NRG3: variants seen among roughly 807,000 people sequenced by gnomAD.
NRG3 encodes the protein pro-neuregulin-3, membrane-bound isoform.
In NRG3, 31 loss-of-function variants were observed where a neutral mutation model predicts 66.9. The ratio of observed to expected loss-of-function variants is 0.46; its 90% CI spans 0.35 to 0.63. The LOEUF is 0.63. Ranked by LOEUF, NRG3 falls within the 20% of genes least tolerant of loss-of-function variation. NRG3 has a pLI of 0.00. For missense variants in NRG3, 910 were observed against 878.9 expected, an observed-to-expected ratio of 1.04 and a Z score of -0.45; for synonymous variants, 393 against 359.4, an observed-to-expected ratio of 1.09 and a Z score of -1.06.
chr10:82,591,253 A>G (rs751451714), intron 2 of NRG3, among the ~76,000 whole-genome samples: 1 of 152,220 alleles, frequency 6.6e-6, no homozygotes, highest in Non-Finnish European at 1.5e-5. Context: ...AATCCAAAAA[A>G]TAATATCCCT....
intron 3 of NRG3, among the ~76,000 whole-genome samples, chr10:82,788,916 A>G (rs1161914004): frequency 6.6e-6 from 1 of 152,152 alleles, no homozygotes; most frequent in Non-Finnish European, 1.5e-5. Flanking sequence ...TAATGTATGT[A>G]TACGCTACAT....
intron 1 of NRG3, among the ~76,000 whole-genome samples, chr10:82,135,760 G>T (rs1002886187): frequency 1.3e-5 from 2 of 151,924 alleles, no homozygotes; most frequent in Non-Finnish European, 2.9e-5. Context: ...CTTGAATTTT[G>T]TCAAGCTTCC....
intron 2 of NRG3, among the ~76,000 whole-genome samples, chr10:82,580,394 G>A (rs2046287767): frequency 6.6e-6 from 1 of 151,786 alleles, no homozygotes; most frequent in African/African-American, 2.4e-5. Flanking sequence ...GAACAAATAT[G>A]GAAATATTAT....
Position 82,232,832 on chromosome 10 carries a change from G to T in NRG3, c.824-125907G>T, listed in dbSNP as rs565225770. 30 of 717,216 alleles carry T rather than the reference G, an allele frequency of 4.2e-5. No individual in the cohort carries two copies. In the African/African-American group the frequency reaches 5.1e-4, roughly 12 times the overall value. 44.4% of individuals were successfully genotyped at this position (717,216 alleles called of 1,614,324 possible). The stretch of plus-strand genomic sequence containing the variant: ...AAACAGGAGCAAGGTAAGTTGTAAG[G>T]CATGGCCTTTGTTGGGGTTTCTGAG... On this transcript the variant is annotated intron_variant, in intron 1 of 8. Transcript: ENST00000372141.
intron 1 of NRG3, among the ~76,000 whole-genome samples, chr10:82,041,252 A>G (rs58200268): frequency 0.022 from 3,347 of 152,116 alleles, 122 homozygotes; most frequent in African/African-American, 0.077. Context: ...TCTTGCCACA[A>G]GAGGGATACT....
chr10:82,451,922 G>T lies in NRG3; in HGVS notation c.953+93054G>T, dbSNP rs533981526. Among the ~76,000 whole-genome samples, 3 of 152,224 alleles carry T rather than the reference G, an allele frequency of 2.0e-5. No homozygotes were observed. The South Asian group carries it at 6.2e-4, about 32-fold the overall frequency. On this transcript the variant is annotated intron_variant, in intron 2 of 8. Transcript: ENST00000372141. ...AGGATAAAAAAAGAGAAATATAGTT[G>T]AAAGGGTTCTATAGGTTTGACAATT...
intron 2 of NRG3, among the ~76,000 whole-genome samples, chr10:82,702,376 T>A (rs1049710610): frequency 1.3e-5 from 2 of 152,174 alleles, no homozygotes; most frequent in Non-Finnish European, 2.9e-5. Flanking sequence ...GCAACTCAAT[T>A]TAAAATTTGG....
chr10:82,503,094 A>G (rs1263019263), intron 2 of NRG3, among the ~76,000 whole-genome samples: 1 of 152,220 alleles, frequency 6.6e-6, no homozygotes, highest in African/African-American at 2.4e-5. Flanking sequence ...CATTTTGACT[A>G]GAAGAAAGCC....
At chr10:82,040,308 A>G (rs4503476) in intron 1 of NRG3, among the ~76,000 whole-genome samples, 130,892 of 151,832 alleles carry the variant, frequency 0.86, 58,359 homozygotes, top group South Asian at 0.99. Context: ...ATACATGTAT[A>G]GTATACACAA....
At chr10:82,825,309 T>C (rs574286023) in intron 3 of NRG3, among the ~76,000 whole-genome samples, 1 of 152,372 alleles carries the variant, frequency 6.6e-6, no homozygotes, top group African/African-American at 2.4e-5. Context: ...TCAGCTCTTA[T>C]ATTTATATCT....
intron 2 of NRG3, among the ~76,000 whole-genome samples, chr10:82,387,793 G>A (rs2086105802): frequency 6.6e-6 from 1 of 151,890 alleles, no homozygotes; most frequent in Admixed American, 6.6e-5. Context: ...TAAGATAAGG[G>A]GATTATTTTA....
intron 2 of NRG3, among the ~76,000 whole-genome samples, chr10:82,374,877 T>C (rs1446728517): frequency 6.6e-6 from 1 of 152,164 alleles, no homozygotes; most frequent in Non-Finnish European, 1.5e-5. Flanking sequence ...TTTGTGAAGC[T>C]TATGGAAACG....
Position 82,203,132 on chromosome 10 carries a change from C to T in NRG3, c.824-155607C>T, listed in dbSNP as rs191689656. On this transcript the variant is annotated intron_variant, in intron 1 of 8. Transcript: ENST00000372141. ...GACCATCTGTGAGTCATGTGTAGGA[C>T]GGATTATAGAAAAGAGTGAAGACAC... Among the ~76,000 whole-genome samples, 431 of 152,138 alleles carry T rather than the reference C, an allele frequency of 2.8e-3. 4 individuals are homozygous for T. Among genetic ancestry groups the T allele is most frequent in the African/African-American group, 9.6e-3 (399 of 41,488 alleles).
rs150598964 is a variant in NRG3 at position 82,691,570 on chromosome 10, A to C, written c.954-47007A>C. Among the ~76,000 whole-genome samples, 568 of 152,346 alleles carry C rather than the reference A, an allele frequency of 3.7e-3. 1 individual carries two copies. Among genetic ancestry groups the C allele is most frequent in the Non-Finnish European group, 5.0e-3 (343 of 68,036 alleles). On this transcript the variant is annotated intron_variant, in intron 2 of 8. Coordinates refer to ENST00000372141, the MANE Select transcript of NRG3 (RefSeq NM_001010848.4). ...TTTGAGATATGAAGAGGACAGAAAC[A>C]TAAATAGACCCAGAACAGGATCTCA... is the stretch of plus-strand genomic sequence containing the variant.
At chr10:82,920,709 T>TA (rs1846343209) in intron 4 of NRG3, among the ~76,000 whole-genome samples, 1 of 151,964 alleles carries the variant, frequency 6.6e-6, no homozygotes, top group African/African-American at 2.4e-5. Context: ...CCAGGAAATA[T>TA]AAAAAATGCT....
chr10:82,531,308 C>A (rs1847236990), intron 2 of NRG3, among the ~76,000 whole-genome samples: 1 of 151,626 alleles, frequency 6.6e-6, no homozygotes, highest in African/African-American at 2.4e-5. Context: ...ATATTAGAGA[C>A]AGATTTAAAT....
intron 1 of NRG3, among the ~76,000 whole-genome samples, chr10:81,987,516 G>T (rs752653621): frequency 1.3e-5 from 2 of 152,234 alleles, no homozygotes; most frequent in Non-Finnish European, 2.9e-5. Context: ...TCAACCTGAT[G>T]TGAGAAATGA....
chr10:82,421,548 A>G (rs1402835516), intron 2 of NRG3, among the ~76,000 whole-genome samples: 8 of 152,114 alleles, frequency 5.3e-5, no homozygotes, highest in African/African-American at 1.9e-4. Flanking sequence ...CCCCCAGCAG[A>G]TGTAGGGCTG....
At chr10:82,252,657 G>C (rs905550298) in intron 1 of NRG3, among the ~76,000 whole-genome samples, 17 of 152,070 alleles carry the variant, frequency 1.1e-4, no homozygotes, top group Non-Finnish European at 2.2e-4. Flanking sequence ...TGGTGGTATA[G>C]AATAGCTAAC....
Sources: gnomAD v4.1 joint callset for allele counts (sites outside exome capture counted in the v4.1 genomes callset) on GRCh38, gnomAD v4.1.1 for gene constraint, MANE v1.5 for transcripts, NCBI Gene and HGNC (gene_info 2026-07-23, HGNC 2026-07-21) for gene names.